Variants in LARGE1 observed in about 807,000 individuals in gnomAD.
LARGE1 encodes the protein LARGE xylosyl- and glucuronyltransferase 1, also known as xylosyl- and glucuronyltransferase LARGE1.
Under a neutral mutation model 87.6 loss-of-function variants are expected in LARGE1, and 43 were observed. The observed-to-expected ratio is 0.49, with a 90% CI of 0.38 to 0.63. The LOEUF (loss-of-function observed/expected upper bound fraction) is 0.63. Among genes scored for constraint, LARGE1 ranks in the 30% least tolerant of loss-of-function variants. The pLI, the probability that LARGE1 is intolerant of heterozygous loss-of-function variation, is 0.00. For synonymous variants in LARGE1, 434 were observed against 394.6 expected (o/e 1.10, Z -1.18); for missense variants, 802 against 1,000.2 (o/e 0.80, Z 2.67).
intron 2 of LARGE1, among the ~76,000 whole-genome samples, chr22:33,677,956 G>A (rs1364663340): frequency 6.6e-6 from 1 of 152,192 alleles, no homozygotes; most frequent in Non-Finnish European, 1.5e-5. Flanking sequence ...TTCTTGACAG[G>A]TGAGCACACA....
At chr22:33,517,642 G>A (rs146980005) in intron 6 of LARGE1, among the ~76,000 whole-genome samples, 5 of 151,898 alleles carry the variant, frequency 3.3e-5, no homozygotes, top group South Asian at 4.2e-4. Flanking sequence ...CTTGTGATCC[G>A]CCTGCCTCAG....
chr22:33,805,946 CACATAA>C (rs1241196275), intron 1 of LARGE1, among the ~76,000 whole-genome samples: 1 of 152,140 alleles, frequency 6.6e-6, no homozygotes. Flanking sequence ...AGCTGACATT[CACATAA>C]AATAAAATGA....
chr22:33,337,877 G>T, intron 9 of LARGE1, 76 bp from the exon 10 acceptor site: 1 of 1,450,404 alleles, frequency 6.9e-7, no homozygotes, highest in Non-Finnish European at 9.7e-7. Context: ...GGAAGCCATG[G>T]CTCAGCACTG....
intron 1 of LARGE1, among the ~76,000 whole-genome samples, chr22:33,847,687 C>T (rs764372042): frequency 8.5e-5 from 13 of 152,308 alleles, no homozygotes; most frequent in African/African-American, 1.2e-4. Context: ...ATGTACTACA[C>T]GATAGACTCA....
At chr22:33,089,837 C>T in the LARGE1 span, among the ~76,000 whole-genome samples, 3 of 152,072 alleles carry the variant, frequency 2.0e-5, no homozygotes, top group African/African-American at 7.2e-5. Context: ...AGAACTTCCT[C>T]TTAAGAAGGG....
intron 5 of LARGE1, among the ~76,000 whole-genome samples, chr22:33,576,838 T>C (rs2078368616): frequency 6.6e-6 from 1 of 152,190 alleles, no homozygotes; most frequent in Non-Finnish European, 1.5e-5. Flanking sequence ...ATGTAAATAC[T>C]ATGTAAATGG....
intron 6 of LARGE1, among the ~76,000 whole-genome samples, chr22:33,502,435 AAGTGAACCACGG>A (rs1490718014): frequency 1.3e-5 from 2 of 152,156 alleles, no homozygotes; most frequent in Non-Finnish European, 2.9e-5. Context: ...TGTCTGCAGA[AAGTGAACCACGG>A]AGCAGGCATG....
At chr22:33,748,052 A>G (rs914212021) in intron 2 of LARGE1, among the ~76,000 whole-genome samples, 37 of 147,782 alleles carry the variant, frequency 2.5e-4, no homozygotes, top group Admixed American at 5.4e-4. Flanking sequence ...AAAAAAAAAA[A>G]GCCAACTATC....
intron 2 of LARGE1, among the ~76,000 whole-genome samples, chr22:33,654,476 C>T (rs985036969): frequency 3.9e-5 from 6 of 152,118 alleles, no homozygotes; most frequent in Non-Finnish European, 8.8e-5. Context: ...AATAGTGGGC[C>T]CTGCTGCCTT....
intron 1 of LARGE1, among the ~76,000 whole-genome samples, chr22:33,788,800 C>A (rs2085731193): frequency 6.6e-6 from 1 of 152,118 alleles, no homozygotes; most frequent in Admixed American, 6.6e-5. Context: ...TTCTAAACAG[C>A]AAAGCGTTCA....
intron 6 of LARGE1, among the ~76,000 whole-genome samples, chr22:33,556,616 G>A (rs535453581): frequency 9.3e-4 from 138 of 148,156 alleles, no homozygotes; most frequent in African/African-American, 3.3e-3. Flanking sequence ...GGCAGGGAAG[G>A]AGGGAAGGAG....
chr22:33,806,499 C>G (rs2086313706), intron 1 of LARGE1, among the ~76,000 whole-genome samples: 1 of 152,172 alleles, frequency 6.6e-6, no homozygotes, highest in Non-Finnish European at 1.5e-5. Flanking sequence ...CAAACAGTTC[C>G]TTGAACACTT....
At chr22:33,236,271 C>T (rs1388952857) in intron 11 of LARGE1, among the ~76,000 whole-genome samples, 1 of 152,126 alleles carries the variant, frequency 6.6e-6, no homozygotes. Flanking sequence ...GAGAAACACC[C>T]CAGCTGAGTG....
At chr22:33,324,305 C>G (rs202226240) in intron 10 of LARGE1, among the ~76,000 whole-genome samples, 1 of 117,408 alleles carries the variant, frequency 8.5e-6, no homozygotes, top group Non-Finnish European at 1.8e-5. Flanking sequence ...ACCCCCCCCC[C>G]AAAACAAACA....
intron 1 of LARGE1, among the ~76,000 whole-genome samples, chr22:33,803,658 C>A (rs780894594): frequency 6.6e-6 from 1 of 152,164 alleles, no homozygotes; most frequent in Non-Finnish European, 1.5e-5. Context: ...CTGGAGGGAA[C>A]CAGGCTCAAG....
At chr22:33,204,134 G>A (rs1328181312) in intron 11 of LARGE1, among the ~76,000 whole-genome samples, 3 of 152,008 alleles carry the variant, frequency 2.0e-5, no homozygotes, top group African/African-American at 4.8e-5. Context: ...AAGCCTTTAA[G>A]GAAGAAAAAT....
chr22:33,693,207 G>C (rs2082144738), intron 2 of LARGE1, among the ~76,000 whole-genome samples: 1 of 152,148 alleles, frequency 6.6e-6, no homozygotes, highest in Non-Finnish European at 1.5e-5. Flanking sequence ...GGTTCGCAAA[G>C]GCAGAAAGAG....
intron 5 of LARGE1, among the ~76,000 whole-genome samples, chr22:33,567,849 G>C (rs981674076): frequency 3.3e-5 from 5 of 152,124 alleles, no homozygotes; most frequent in Admixed American, 2.0e-4. Context: ...ATCTGTAAGT[G>C]AGAACATGTG....
the LARGE1 span, among the ~76,000 whole-genome samples, chr22:33,105,193 G>C: frequency 6.6e-6 from 1 of 151,468 alleles, no homozygotes; most frequent in Admixed American, 6.6e-5. Flanking sequence ...GTAGAGACAG[G>C]GTTTTACCAT....
Sources: gnomAD v4.1 joint callset for allele counts (sites outside exome capture counted in the v4.1 genomes callset) on GRCh38, gnomAD v4.1.1 for gene constraint, MANE v1.5 for transcripts, NCBI Gene and HGNC (gene_info 2026-07-23, HGNC 2026-07-21) for gene names.